PPIP5K2: variants seen among roughly 807,000 people sequenced by gnomAD.
PPIP5K2 encodes inositol hexakisphosphate and diphosphoinositol-pentakisphosphate kinase 2.
A neutral mutation model predicts 154.6 loss-of-function variants in PPIP5K2; 105 were observed. The observed-to-expected ratio is 0.68, with a 90% CI of 0.58 to 0.80. PPIP5K2 has a LOEUF of 0.80. Among genes scored for constraint, PPIP5K2 ranks in the 30% least tolerant of loss-of-function variants. The pLI is 0.00. For synonymous variants in PPIP5K2, 480 were observed against 490.3 expected (o/e 0.98, Z 0.28); for missense variants, 992 against 1,504.6 (o/e 0.66, Z 5.64).
intron 6 of PPIP5K2, 99 bp from the exon 7 acceptor site, chr5:103,147,832 A>G (rs782443442): frequency 1.4e-6 from 1 of 722,544 alleles, no homozygotes; most frequent in Non-Finnish European, 2.3e-6. Flanking sequence ...GAAAATGTCT[A>G]AGATGGAAAT....
chr5:103,194,543 G>A (rs528625133), intron 29 of PPIP5K2, among the ~76,000 whole-genome samples: 1 of 152,244 alleles, frequency 6.6e-6, no homozygotes, highest in Non-Finnish European at 1.5e-5. Context: ...CCTGGTGAGG[G>A]GATTACTGAT....
chr5:103,133,634 C>T lies in PPIP5K2; in HGVS notation c.296C>T (p.Ser99Phe). The T allele has an allele frequency of 6.2e-7, 1 of 1,602,742 alleles. No homozygotes were observed. Among genetic ancestry groups the T allele is most frequent in the Non-Finnish European group, 8.5e-7 (1 of 1,176,100 alleles). ...TGGCCTTTATGTGATTGTCTTATTT[C>T]TTTCCATTCTAAAGGTATTAAGGGG... ...ENWPLCDCLI[S>F]FHSKGFPLDK... The change falls in exon 3 of 31, where the codon TCT becomes TTT. Residue 99 changes from serine (S) to phenylalanine (F), a missense_variant. By Grantham distance (155) the Ser-to-Phe change is radical. Coordinates refer to ENST00000358359, the MANE Select transcript of PPIP5K2 (RefSeq NM_001276277.3).
rs1562494093 is a variant in PPIP5K2, at chr5:103,186,357, CG to C, written c.3212del (p.Gly1071ValfsTer19). The C allele has an allele frequency of 3.1e-6, 5 of 1,613,766 alleles. No homozygotes were observed. Among genetic ancestry groups the C allele is most frequent in the South Asian group, 2.2e-5 (2 of 91,088 alleles). ...CAGLFSTSVL[G>X]GSSSAPNLQD... is the part of the protein sequence containing the mutation. ...CGGGCCTGTTTAGCACCTCGGTGCT[CG>C]GGGGTTCTTCAAGCGCACCTAACCT... On this transcript the variant is annotated frameshift_variant, in exon 27 of 31. Coordinates refer to ENST00000358359, the MANE Select transcript of PPIP5K2 (RefSeq NM_001276277.3). LOFTEE classifies it high-confidence loss of function.
At chr5:103,151,133 C>T in intron 8 of PPIP5K2, 120 bp from the exon 9 acceptor site, 1 of 701,032 alleles carries the variant, frequency 1.4e-6, no homozygotes, top group East Asian at 3.1e-5. Context: ...TGAAGTAAAC[C>T]ACTATATAGT....
In PPIP5K2 at chr5:103,211,543, A is replaced by C. The variant is rs1221082864; in HGVS notation, c.*9909A>C. 1 of 152,130 alleles carries C rather than the reference A, an allele frequency of 6.6e-6. No individual in the cohort carries two copies. The highest frequency in any genetic ancestry group is 6.6e-5 in the Admixed American group (1 of 15,260). The allele number at this position is 152,130 out of a possible 1,614,324, so 9.4% of individuals were successfully genotyped here. On this transcript the variant is annotated 3_prime_UTR_variant, in exon 31 of 31. Transcript: ENST00000358359. ...AGATTCTACCTTAAAAATATCATTG[A>C]GAAAGCTCAGAGAACTCCCAGGTAA... is the stretch of plus-strand genomic sequence containing the variant.
intron 5 of PPIP5K2, among the ~76,000 whole-genome samples, chr5:103,139,558 G>A (rs1583243860): frequency 6.6e-6 from 1 of 152,126 alleles, no homozygotes; most frequent in East Asian, 1.9e-4. Context: ...AAGAAGGATG[G>A]ATACAAACAA....
Position 103,186,423 on chromosome 5 carries a change from T to G in PPIP5K2, c.3273T>G (p.Ser1091=), listed in dbSNP as rs782699880. ...YARTHRKKLT[S]SGCIDDATRG... ...GTACTCATCGTAAAAAGCTGACCTCTTCTGGCTGCATAGATGGTATGTGCA... is the reference window on the plus strand; with the variant it reads ...GTACTCATCGTAAAAAGCTGACCTCGTCTGGCTGCATAGATGGTATGTGCA... The change falls in exon 27 of 31, where the codon TCT becomes TCG. Residue 1091 remains serine (S), a synonymous_variant. Transcript: ENST00000358359. 1 of 1,613,804 alleles carries G rather than the reference T, an allele frequency of 6.2e-7. No individual in the cohort carries two copies. Among genetic ancestry groups the G allele is most frequent in the African/African-American group, 1.3e-5 (1 of 74,904 alleles).
intron 5 of PPIP5K2, among the ~76,000 whole-genome samples, chr5:103,140,754 G>C (rs577404965): frequency 2.7e-5 from 4 of 150,586 alleles, no homozygotes; most frequent in Admixed American, 2.6e-4. Context: ...GGAGAATGGC[G>C]TGAACCCGGA....
intron 28 of PPIP5K2, chr5:103,188,902 A>T: frequency 3.0e-6 from 1 of 334,712 alleles, no homozygotes; most frequent in Non-Finnish European, 5.4e-6. Context: ...AAATGCACAT[A>T]AGGTGCATTC....
In PPIP5K2 at chr5:103,194,923, C is replaced by A. The variant is rs1645572508; in HGVS notation, c.3517C>A (p.Pro1173Thr). ...EISSTALRSS[P>T]IMRKKVSLNT... ...AGCCTCTACAGCTTTACGTTCCAGT[C>A]CAATAATGAGAAAAAAAGTATCTTT... The change falls in exon 30 of 31, where the codon CCA (proline) becomes ACA (threonine). Residue 1173 changes from proline to threonine, a missense_variant. Physicochemically the swap from Pro to Thr is conservative, Grantham distance 38. Coordinates refer to ENST00000358359, the MANE Select transcript of PPIP5K2 (RefSeq NM_001276277.3). 3 of 1,612,326 alleles carry A rather than the reference C, an allele frequency of 1.9e-6. No individual in the cohort carries two copies. The highest frequency in any genetic ancestry group is 2.5e-6 in the Non-Finnish European group (3 of 1,179,216).
At chr5:103,198,560 C>G (rs1554229321) in intron 30 of PPIP5K2, among the ~76,000 whole-genome samples, 1 of 151,960 alleles carries the variant, frequency 6.6e-6, no homozygotes, top group African/African-American at 2.4e-5. Flanking sequence ...TAGATTTTTG[C>G]TTTTTGTGTT....
intron 3 of PPIP5K2, among the ~76,000 whole-genome samples, chr5:103,134,162 A>G (rs1791092239): frequency 6.6e-6 from 1 of 152,128 alleles, no homozygotes; most frequent in African/African-American, 2.4e-5. Context: ...ATCATTTTTC[A>G]TATACATATT....
At chr5:103,196,994 A>G (rs1288859992) in intron 30 of PPIP5K2, among the ~76,000 whole-genome samples, 1 of 152,160 alleles carries the variant, frequency 6.6e-6, no homozygotes, top group East Asian at 1.9e-4. Flanking sequence ...AGGGTAAGAG[A>G]GCATTTCAGG....
chr5:103,199,092 A>T (rs1320863193), intron 30 of PPIP5K2, among the ~76,000 whole-genome samples: 1 of 150,072 alleles, frequency 6.7e-6, no homozygotes, highest in East Asian at 1.9e-4. Flanking sequence ...TTCTTTACAC[A>T]TAGTTATCCT....
chr5:103,142,512 C>T (rs1430668303), intron 5 of PPIP5K2, among the ~76,000 whole-genome samples: 1 of 152,236 alleles, frequency 6.6e-6, no homozygotes, highest in Non-Finnish European at 1.5e-5. Context: ...CGAAGGGCTC[C>T]TCAAGCGCCG....
rs1470138001 is a variant in PPIP5K2, at chr5:103,202,514, TAGTA to T, written c.*885_*888del. On this transcript the variant is annotated 3_prime_UTR_variant, in exon 31 of 31. Coordinates refer to ENST00000358359, the MANE Select transcript of PPIP5K2 (RefSeq NM_001276277.3). ...AGGAGAAATCTGAATTCTGTTAAGT[TAGTA>T]AGTATTATGTATAGCATCTGTTTTT... 4 of 152,186 alleles carry T rather than the reference TAGTA, an allele frequency of 2.6e-5. No homozygotes were observed. The highest frequency in any genetic ancestry group is 9.6e-5 in the African/African-American group (4 of 41,466). The allele number at this position is 152,186 out of a possible 1,614,324, so 9.4% of individuals were successfully genotyped here.
At chr5:103,123,583 T>A (rs1430930783) in intron 1 of PPIP5K2, among the ~76,000 whole-genome samples, 1 of 152,220 alleles carries the variant, frequency 6.6e-6, no homozygotes, top group African/African-American at 2.4e-5. Context: ...GATATTTGTC[T>A]TTTGTACAGT....
rs1295230983 is a variant in PPIP5K2 at position 103,206,437 on chromosome 5, A to T, written c.*4803A>T. ...TGTGATTGAGCCAACTTCTTTGATC[A>T]TCTACTCACCCCTAGATAAATAGAA... On this transcript the variant is annotated 3_prime_UTR_variant, in exon 31 of 31. Transcript: ENST00000358359. 5 of 152,174 alleles carry T rather than the reference A, an allele frequency of 3.3e-5. No homozygotes were observed. Among genetic ancestry groups the T allele is most frequent in the Admixed American group, 3.3e-4 (5 of 15,268 alleles). The allele number at this position is 152,174 out of a possible 1,614,324, so 9.4% of individuals were successfully genotyped here.
In PPIP5K2 at chr5:103,186,455, C is replaced by T. The variant is rs1800399116; in HGVS notation, c.3289+16C>T. 6.2e-7 allele frequency: 1 copy of T among 1,613,454 alleles called. No individual in the cohort carries two copies. Among genetic ancestry groups the T allele is most frequent in the Non-Finnish European group, 8.5e-7 (1 of 1,179,692 alleles). ...TGCATAGATGGTATGTGCACACATG[C>T]ACACACAGATTCATACCTACACCCA... On this transcript the variant is annotated intron_variant, in intron 27 of 30. Transcript: ENST00000358359.
Sources: gnomAD v4.1 joint callset for allele counts (sites outside exome capture counted in the v4.1 genomes callset) on GRCh38, gnomAD v4.1.1 for gene constraint, MANE v1.5 for transcripts, NCBI Gene and HGNC (gene_info 2026-07-23, HGNC 2026-07-21) for gene names.